Variants in LCE1F observed in about 807,000 individuals in gnomAD.
LCE1F encodes the protein late cornified envelope protein 1F.
For synonymous variants in LCE1F, 67 were observed against 59.9 expected, an observed-to-expected ratio of 1.12 and a Z score of -0.55; for missense variants, 154 against 153.5, an observed-to-expected ratio of 1.00 and a Z score of -0.02.
At chr1:152,775,923 G>A (rs1332493331) in intron 1 of LCE1F, among the ~76,000 whole-genome samples, 3 of 149,210 alleles carry the variant, frequency 2.0e-5, no homozygotes, top group Non-Finnish European at 4.4e-5. Context: ...TCTGCAAACT[G>A]AAATATATCA....
At position 152,776,714 on chromosome 1, in the gene LCE1F, G is replaced by A. The variant is rs751211099; in HGVS notation, c.343G>A (p.Gly115Arg). The change falls in exon 2 of 2, where the codon GGA (glycine) becomes AGA (arginine). Residue 115 changes from glycine to arginine, a missense_variant. Transcript: ENST00000334371. ...CGGAGGGGGCAGTGGCCAGCACTCT[G>A]GAGGCTGCTGCTGAAGTGGACCCTG... is the stretch of plus-strand genomic sequence containing the variant. ...CCGGGSGQHS[G>R]GCC 1 of 1,558,952 alleles carries A rather than the reference G, an allele frequency of 6.4e-7. No homozygotes were observed. Among genetic ancestry groups the A allele is most frequent in the Non-Finnish European group, 8.7e-7 (1 of 1,154,434 alleles).
rs1297132940 is a variant in LCE1F, at chr1:152,776,617, G to T, written c.246G>T (p.Arg82=). The change falls in exon 2 of 2, where the codon CGG becomes CGT. Residue 82 remains arginine, a synonymous_variant. Transcript: ENST00000334371. The stretch of plus-strand genomic sequence containing the variant: ...GCTGTTGCCTGAGCCACCACAGACG[G>T]CGTAGGTCCCACCGCCACAGACCCC... ...GGGCCLSHHR[R]RRSHRHRPQS... The T allele has an allele frequency of 1.2e-6, 2 of 1,612,284 alleles. No individual in the cohort carries two copies. Among genetic ancestry groups the T allele is most frequent in the African/African-American group, 2.7e-5 (2 of 74,878 alleles).
At chr1:152,776,305 G>A (rs1329559998) in intron 1 of LCE1F, 45 bp from the exon 2 acceptor site, 7 of 1,504,484 alleles carry the variant, frequency 4.7e-6, no homozygotes, top group African/African-American at 1.4e-5. Context: ...AATAGGCAGG[G>A]GTGTCCTCTG....
chr1:152,776,748 A>G lies in LCE1F; in HGVS notation c.*20A>G, dbSNP rs200500199. The G allele has an allele frequency of 2.0e-6, 3 of 1,528,708 alleles. No individual in the cohort carries two copies. Among genetic ancestry groups the G allele is most frequent in the South Asian group, 2.6e-5 (2 of 76,296 alleles). 94.7% of individuals were successfully genotyped at this position (1,528,708 alleles called of 1,614,324 possible). A position where few individuals can be genotyped will look rare whatever the true frequency, so the allele number is the denominator to read the frequency against. On this transcript the variant is annotated 3_prime_UTR_variant, in exon 2 of 2. Coordinates refer to ENST00000334371, the MANE Select transcript of LCE1F (RefSeq NM_178354.3). Reference sequence around the variant, plus strand: ...TGCTGAAGTGGACCCTGTGCCTAAAAGAGCAGATTTAGAGGCATGAAAGGG... The same window carrying G: ...TGCTGAAGTGGACCCTGTGCCTAAAGGAGCAGATTTAGAGGCATGAAAGGG...
intron 1 of LCE1F, 51 bp from the exon 2 acceptor site, chr1:152,776,299 G>T: frequency 6.8e-7 from 1 of 1,479,014 alleles, no homozygotes; most frequent in Non-Finnish European, 9.4e-7. Flanking sequence ...GACAAGAATA[G>T]GCAGGGGTGT....
chr1:152,776,121 T>A (rs1188235243), intron 1 of LCE1F, among the ~76,000 whole-genome samples: 3 of 152,188 alleles, frequency 2.0e-5, no homozygotes, highest in African/African-American at 7.2e-5. Flanking sequence ...TTTATTTACA[T>A]ATTTGGAGAT....
intron 1 of LCE1F, among the ~76,000 whole-genome samples, chr1:152,775,604 G>A (rs1170908402): frequency 6.6e-6 from 1 of 152,194 alleles, no homozygotes; most frequent in Non-Finnish European, 1.5e-5. Flanking sequence ...GCTACTTAGA[G>A]GAAGAAAGGA....
At chr1:152,775,859 G>A (rs1160974831) in intron 1 of LCE1F, among the ~76,000 whole-genome samples, 1 of 152,158 alleles carries the variant, frequency 6.6e-6, no homozygotes, top group African/African-American at 2.4e-5. Flanking sequence ...TATATATTGA[G>A]TTGGTTGGAA....
rs1651602262 is a variant in LCE1F at position 152,776,456 on chromosome 1, T to G, written c.85T>G (p.Cys29Gly). 3.1e-6 allele frequency: 5 copies of G among 1,598,092 alleles called. No individual in the cohort carries two copies. In the East Asian group the frequency reaches 6.8e-5, roughly 22 times the overall value. The part of the protein sequence containing the change: ...KCPPKCPTPK[C>G]PPKCPPKCPP... ...CCCTCCCAAGTGCCCCACACCGAAG[T>G]GCCCCCCAAAGTGTCCCCCTAAGTG... The change falls in exon 2 of 2, where the codon TGC (cysteine) becomes GGC (glycine). Residue 29 changes from cysteine to glycine, a missense_variant. Coordinates refer to ENST00000334371, the MANE Select transcript of LCE1F (RefSeq NM_178354.3).
rs1396647159 is a variant in LCE1F at position 152,776,738 on chromosome 1, T to C, written c.*10T>C. Reference sequence around the variant, plus strand: ...TGGAGGCTGCTGCTGAAGTGGACCCTGTGCCTAAAAGAGCAGATTTAGAGG... The same window carrying C: ...TGGAGGCTGCTGCTGAAGTGGACCCCGTGCCTAAAAGAGCAGATTTAGAGG... On this transcript the variant is annotated 3_prime_UTR_variant, in exon 2 of 2. Coordinates refer to ENST00000334371, the MANE Select transcript of LCE1F (RefSeq NM_178354.3). 1 of 1,535,144 alleles carries C rather than the reference T, an allele frequency of 6.5e-7. No individual in the cohort carries two copies. The highest frequency in any genetic ancestry group is 8.7e-7 in the Non-Finnish European group (1 of 1,144,228).
chr1:152,776,382 A>C lies in LCE1F; in HGVS notation c.11A>C (p.Gln4Pro), dbSNP rs754098107. MSC[Q>P]QSQQQCQPPP... Reference sequence around the variant, plus strand: ...ACACCCGCCACCGAGATGTCTTGCCAGCAGAGCCAGCAGCAGTGCCAGCCC... The same window carrying C: ...ACACCCGCCACCGAGATGTCTTGCCCGCAGAGCCAGCAGCAGTGCCAGCCC... Residue 4 changes from glutamine (Q) to proline (P), a missense_variant, in exon 2 of 2, where the codon CAG becomes CCG. By Grantham distance (76) the Gln-to-Pro change is moderately conservative. Coordinates refer to ENST00000334371, the MANE Select transcript of LCE1F (RefSeq NM_178354.3). 5.0e-6 allele frequency: 8 copies of C among 1,611,528 alleles called. No homozygotes were observed. The highest frequency in any genetic ancestry group is 6.8e-6 in the Non-Finnish European group (8 of 1,179,292).
intron 1 of LCE1F, among the ~76,000 whole-genome samples, chr1:152,775,414 A>G (rs4845322): frequency 0.56 from 85,518 of 152,062 alleles, 24,944 homozygotes; most frequent in African/African-American, 0.72. Flanking sequence ...GTAAGATCTG[A>G]AGGGCTGTAT....
intron 1 of LCE1F, among the ~76,000 whole-genome samples, 108 bp downstream of exon 1, chr1:152,775,298 G>A (rs1015413862): frequency 2.0e-5 from 3 of 152,128 alleles, no homozygotes; most frequent in Non-Finnish European, 4.4e-5. Flanking sequence ...TCTAGGCAGG[G>A]CCTCAGGGGC....
At chr1:152,775,765 C>G (rs1186013041) in intron 1 of LCE1F, among the ~76,000 whole-genome samples, 2 of 152,144 alleles carry the variant, frequency 1.3e-5, no homozygotes, top group Non-Finnish European at 1.5e-5. Context: ...AGGATGGGAA[C>G]CAGGGGACCC....
At position 152,776,673 on chromosome 1, in the gene LCE1F, C is replaced by T. The variant is rs781644957; in HGVS notation, c.302C>T (p.Ala101Val). 1.0e-5 allele frequency: 16 copies of T among 1,598,770 alleles called. No homozygotes were observed. Among genetic ancestry groups the T allele is most frequent in the African/African-American group, 6.7e-5 (5 of 74,688 alleles). Residue 101 changes from alanine (A) to valine (V), a missense_variant, in exon 2 of 2, where the codon GCG (alanine) becomes GTG (valine). By Grantham distance (64) the Ala-to-Val change is moderately conservative. Transcript: ENST00000334371. ...TCTGACTGCTGCAGCCAGCCCTCAGCGGGCTCCAGCTGCTGCGGAGGGGGC... is the reference window on the plus strand; with the variant it reads ...TCTGACTGCTGCAGCCAGCCCTCAGTGGGCTCCAGCTGCTGCGGAGGGGGC... ...QSSDCCSQPSAGSSCCGGGSG... is the reference protein window; with the variant it reads ...QSSDCCSQPSVGSSCCGGGSG...
At position 152,776,338 on chromosome 1, in the gene LCE1F, A is replaced by T; in HGVS notation, c.-22-12A>T. ...CTGCCTCCATCTAACTTGCTGTCTGACCCTCCTTCAGCTCCTGAACACCCG... is the reference window on the plus strand; with the variant it reads ...CTGCCTCCATCTAACTTGCTGTCTGTCCCTCCTTCAGCTCCTGAACACCCG... On this transcript the variant is annotated splice_polypyrimidine_tract_variant and intron_variant, in intron 1 of 1. Transcript: ENST00000334371. 4 of 1,598,498 alleles carry T rather than the reference A, an allele frequency of 2.5e-6. No homozygotes were observed. The highest frequency in any genetic ancestry group is 3.4e-6 in the Non-Finnish European group (4 of 1,167,076).
chr1:152,776,093 C>G (rs1466384612), intron 1 of LCE1F, among the ~76,000 whole-genome samples: 3 of 152,124 alleles, frequency 2.0e-5, no homozygotes, highest in Non-Finnish European at 4.4e-5. Flanking sequence ...CACTTAGGAG[C>G]TTTTAATGAG....
chr1:152,776,868 A>C lies in LCE1F; in HGVS notation c.*140A>C, dbSNP rs1195324976. On this transcript the variant is annotated 3_prime_UTR_variant, in exon 2 of 2. Transcript: ENST00000334371. ...GGAAGATTCCTCCGACCTAGAATCC[A>C]GAAATCTGCCCTCTCACAAGAATTC... 3 of 1,058,406 alleles carry C rather than the reference A, an allele frequency of 2.8e-6. No homozygotes were observed. Among genetic ancestry groups the C allele is most frequent in the Non-Finnish European group, 3.9e-6 (3 of 761,702 alleles). The allele number at this position is 1,058,406 out of a possible 1,614,324, so 65.6% of individuals were successfully genotyped here.
chr1:152,776,578 C>A lies in LCE1F; in HGVS notation c.207C>A (p.Ser69Arg). The A allele has an allele frequency of 6.2e-7, 1 of 1,613,732 alleles. No individual in the cohort carries two copies. Among genetic ancestry groups the A allele is most frequent in the Non-Finnish European group, 8.5e-7 (1 of 1,179,810 alleles). Residue 69 changes from serine to arginine, a missense_variant, in exon 2 of 2, where the codon AGC becomes AGA. Transcript: ENST00000334371. ...GCTCTGGGGGTGGTGGCTGCTGCAGCTCTGGGGGAGGCGGCTGTTGCCTGA... is the reference window on the plus strand; with the variant it reads ...GCTCTGGGGGTGGTGGCTGCTGCAGATCTGGGGGAGGCGGCTGTTGCCTGA... ...CCSSGGGGCC[S>R]SGGGGCCLSH... is the part of the protein sequence containing the mutation.
Sources: allele counts gnomAD v4.1 joint callset (sites outside exome capture counted in the v4.1 genomes callset), GRCh38; gene constraint gnomAD v4.1.1; transcripts MANE v1.5; gene names NCBI Gene and HGNC (gene_info 2026-07-23, HGNC 2026-07-21).